Variants in SARM1 observed in about 807,000 individuals in gnomAD.
The protein encoded by SARM1 is sterile alpha and TIR motif containing 1, also known as NAD(+) hydrolase SARM1.
SARM1 carries 60 observed loss-of-function variants against 65.1 expected under a neutral mutation model. The ratio of observed to expected loss-of-function variants is 0.92; its 90% CI spans 0.75 to 1.14. SARM1 has a LOEUF of 1.14. Among genes scored for constraint, SARM1 ranks in the 50% most tolerant of loss-of-function variants. The pLI is 0.00. For synonymous variants in SARM1, 417 were observed against 465.4 expected, an observed-to-expected ratio of 0.90 and a Z score of 1.34; for missense variants, 913 against 1,015.7, an observed-to-expected ratio of 0.90 and a Z score of 1.37.
At chr17:28,392,866 T>A (rs1210082614) in intron 7 of SARM1, among the ~76,000 whole-genome samples, 1 of 152,212 alleles carries the variant, frequency 6.6e-6, no homozygotes, top group Non-Finnish European at 1.5e-5. Context: ...AGAGGCTCCG[T>A]CATCCCTCTT....
At chr17:28,381,085 T>G (rs1221841195) in intron 1 of SARM1, 118 bp from the exon 2 acceptor site, 1 of 1,178,206 alleles carries the variant, frequency 8.5e-7, no homozygotes, top group African/African-American at 1.6e-5. Context: ...AGGGGAATGC[T>G]CTCCCCTATA....
At position 28,400,788 on chromosome 17, in the gene SARM1, A is replaced by T. The variant is rs782341208; in HGVS notation, c.*4502A>T. 66 of 1,551,032 alleles carry T rather than the reference A, an allele frequency of 4.3e-5. No individual in the cohort carries two copies. The highest frequency in any genetic ancestry group is 4.9e-5 in the Non-Finnish European group (56 of 1,147,470). Reference sequence around the variant, plus strand: ...GCACCTGTGAAGAAATAAATACCATACTCTGGAGTCCGAAAGGGCCATATT... The same window carrying T: ...GCACCTGTGAAGAAATAAATACCATTCTCTGGAGTCCGAAAGGGCCATATT... On this transcript the variant is annotated 3_prime_UTR_variant, in exon 9 of 9. Coordinates refer to ENST00000585482, the MANE Select transcript of SARM1 (RefSeq NM_015077.4).
rs1485306319 is a variant in SARM1 at position 28,401,605 on chromosome 17, C to T, written c.*5319C>T. Reference sequence around the variant, plus strand: ...ACAGTTTACAAAATGTGCAACAACCCAACAGAAGTTGAGATTAAATTCTGT... The same window carrying T: ...ACAGTTTACAAAATGTGCAACAACCTAACAGAAGTTGAGATTAAATTCTGT... On this transcript the variant is annotated 3_prime_UTR_variant, in exon 9 of 9. Transcript: ENST00000585482. 3 of 152,220 alleles carry T rather than the reference C, an allele frequency of 2.0e-5. No homozygotes were observed. Among genetic ancestry groups the T allele is most frequent in the Admixed American group, 6.5e-5 (1 of 15,280 alleles). The allele number at this position is 152,220 out of a possible 1,614,324, so 9.4% of individuals were successfully genotyped here.
chr17:28,391,413 G>C (rs2068079009), intron 7 of SARM1, among the ~76,000 whole-genome samples: 2 of 152,128 alleles, frequency 1.3e-5, no homozygotes, highest in South Asian at 4.1e-4. Flanking sequence ...CAGGGCGGTG[G>C]GTCTTAGGAT....
chr17:28,388,730 C>T (rs1484315539), intron 7 of SARM1, among the ~76,000 whole-genome samples, 191 bp downstream of exon 7: 1 of 151,588 alleles, frequency 6.6e-6, no homozygotes, highest in East Asian at 1.9e-4. Context: ...GGACAAGAGA[C>T]TAGGCTTTGG....
Position 28,398,810 on chromosome 17 carries a change from G to A in SARM1, c.*2524G>A, listed in dbSNP as rs1489508758. On this transcript the variant is annotated 3_prime_UTR_variant, in exon 9 of 9. Coordinates refer to ENST00000585482, the MANE Select transcript of SARM1 (RefSeq NM_015077.4). ...TTGTCCATCCAAATGTGATCACCAC[G>A]ATTCAACAATTTGGGGCATTGCTGA... 2.0e-5 allele frequency: 3 copies of A among 152,228 alleles called. No homozygotes were observed. Among genetic ancestry groups the A allele is most frequent in the African/African-American group, 7.2e-5 (3 of 41,446 alleles). The allele number at this position is 152,228 out of a possible 1,614,324, so 9.4% of individuals were successfully genotyped here.
chr17:28,401,128 G>C lies in SARM1; in HGVS notation c.*4842G>C, dbSNP rs1023918392. On this transcript the variant is annotated 3_prime_UTR_variant, in exon 9 of 9. Coordinates refer to ENST00000585482, the MANE Select transcript of SARM1 (RefSeq NM_015077.4). ...CTCTTTGGAATCATCTCCTGTTTGG[G>C]ATTAACTGCTGGTCTGATCAGTTCC... The C allele has an allele frequency of 1.2e-5, 4 of 342,144 alleles. No individual in the cohort carries two copies. Among genetic ancestry groups the C allele is most frequent in the African/African-American group, 8.5e-5 (4 of 46,800 alleles). 21.2% of individuals were successfully genotyped at this position (342,144 alleles called of 1,614,324 possible).
chr17:28,383,329 G>A (rs557807046), intron 2 of SARM1, among the ~76,000 whole-genome samples: 52 of 152,240 alleles, frequency 3.4e-4, no homozygotes, highest in Non-Finnish European at 5.4e-4. Context: ...AGCTGGAATC[G>A]CACCACTGCA....
chr17:28,387,075 G>A (rs1331735797), intron 5 of SARM1, among the ~76,000 whole-genome samples: 3 of 152,068 alleles, frequency 2.0e-5, no homozygotes, highest in Non-Finnish European at 4.4e-5. Context: ...AAATCCTAGG[G>A]CAAAAATAGC....
chr17:28,385,487 A>G lies in SARM1; in HGVS notation c.1630+212A>G. On this transcript the variant is annotated intron_variant, in intron 5 of 8. Transcript: ENST00000585482. The surrounding 1 kb of genome is among the most constrained non-coding windows in gnomAD (Gnocchi z 4.5). Reference sequence around the variant, plus strand: ...CTGAGGTGGGTAGGCGGTGGGAGGAAGGAGGCTATTAAACAGGCAAGCGGC... The same window carrying G: ...CTGAGGTGGGTAGGCGGTGGGAGGAGGGAGGCTATTAAACAGGCAAGCGGC... 1 of 574,508 alleles carries G rather than the reference A, an allele frequency of 1.7e-6. No individual in the cohort carries two copies. The highest frequency in any genetic ancestry group is 3.0e-6 in the Non-Finnish European group (1 of 328,200). 35.6% of individuals were successfully genotyped at this position (574,508 alleles called of 1,614,324 possible). A position where few individuals can be genotyped will look rare whatever the true frequency, so the allele number is the denominator to read the frequency against.
Position 28,384,399 on chromosome 17 carries a change from G to A in SARM1, c.1132G>A (p.Val378Ile). 6.2e-7 allele frequency: 1 copy of A among 1,611,202 alleles called. No homozygotes were observed. ...IGAIQSLKRL[V>I]SYSTNGTKSA... ...CGCCATCCAGAGCCTGAAACGCCTG[G>A]TTTCCTACTCTACCAATGGCACTAA... The change falls in exon 3 of 9, where the codon GTT (valine) becomes ATT (isoleucine). Residue 378 changes from valine to isoleucine, a missense_variant. Physicochemically the swap from Val to Ile is conservative, Grantham distance 29 (BLOSUM62 3). This residue lies in a region of SARM1 where 862 missense variants were observed against 952.1 expected (regional missense o/e 0.91). Coordinates refer to ENST00000585482, the MANE Select transcript of SARM1 (RefSeq NM_015077.4). The surrounding 1 kb of genome is among the most constrained non-coding windows in gnomAD (Gnocchi z 4.4).
At position 28,384,142 on chromosome 17, in the gene SARM1, C is replaced by T. The variant is rs574044877; in HGVS notation, c.1090-215C>T. On this transcript the variant is annotated intron_variant, in intron 2 of 8. Transcript: ENST00000585482. This position sits in a 1 kb window ranked among gnomAD's most constrained non-coding sequence, Gnocchi z 4.4. ...GATATAAAGGAGGGATAGGCCCCTC[C>T]GCCCCCAACCCATCCGAGTCAGGAC... Among the ~76,000 whole-genome samples the T allele has an allele frequency of 3.3e-5, 5 of 152,140 alleles. No individual in the cohort carries two copies. Among genetic ancestry groups the T allele is most frequent in the Non-Finnish European group, 5.9e-5 (4 of 68,034 alleles).
Position 28,381,780 on chromosome 17 carries a change from T to C in SARM1, c.1048T>C (p.Cys350Arg). Residue 350 changes from cysteine to arginine, a missense_variant, in exon 2 of 9, where the codon TGC becomes CGC. Cys to Arg is a radical substitution (Grantham distance 180). This residue lies in a region of SARM1 where 862 missense variants were observed against 952.1 expected (regional missense o/e 0.91). Coordinates refer to ENST00000585482, the MANE Select transcript of SARM1 (RefSeq NM_015077.4). ...GCAGTGCATCGGGGCTTTCTACCTC[T>C]GCGCCGAGGCTGCCATCAAGAGCCT... ...EAQCIGAFYL[C>R]AEAAIKSLQG... 1 of 1,462,660 alleles carries C rather than the reference T, an allele frequency of 6.8e-7. No homozygotes were observed. The allele number at this position is 1,462,660 out of a possible 1,614,324, so 90.6% of individuals were successfully genotyped here. A position where few individuals can be genotyped will look rare whatever the true frequency, so the allele number is the denominator to read the frequency against.
At position 28,384,691 on chromosome 17, in the gene SARM1, G is replaced by A. The variant is rs1025392174; in HGVS notation, c.1302+122G>A. 30 of 1,233,102 alleles carry A rather than the reference G, an allele frequency of 2.4e-5. No homozygotes were observed. The highest frequency in any genetic ancestry group is 3.4e-5 in the Non-Finnish European group (30 of 880,168). 76.4% of individuals were successfully genotyped at this position (1,233,102 alleles called of 1,614,324 possible). A position where few individuals can be genotyped will look rare whatever the true frequency, so the allele number is the denominator to read the frequency against. ...GGTCGCTTTTGGGGGCGGGGAGCCT[G>A]TACGCAGCCACCGTTAGGGTCACTC... On this transcript the variant is annotated intron_variant, in intron 3 of 8. Transcript: ENST00000585482. The surrounding 1 kb of genome is among the most constrained non-coding windows in gnomAD (Gnocchi z 4.4).
At position 28,371,925 on chromosome 17, in the gene SARM1, C is replaced by T; in HGVS notation, c.-108C>T. On this transcript the variant is annotated 5_prime_UTR_variant, in exon 1 of 9. Transcript: ENST00000585482. ...GGTACCCTTCTCTCCATTCCTCCCC[C>T]TCCATCTTCTTTCCCCGACCCCTCT... 1 of 769,048 alleles carries T rather than the reference C, an allele frequency of 1.3e-6. No homozygotes were observed. The highest frequency in any genetic ancestry group is 1.9e-6 in the Non-Finnish European group (1 of 525,908). 47.6% of individuals were successfully genotyped at this position (769,048 alleles called of 1,614,324 possible).
intron 7 of SARM1, among the ~76,000 whole-genome samples, chr17:28,393,262 CAG>C (rs1342571927): frequency 6.6e-6 from 1 of 152,090 alleles, no homozygotes; most frequent in East Asian, 1.9e-4. Context: ...TATTAGAAAA[CAG>C]AGGAACGAGT....
In SARM1 at chr17:28,371,963, T is replaced by C; in HGVS notation, c.-70T>C. 8.1e-7 allele frequency: 1 copy of C among 1,237,266 alleles called. No individual in the cohort carries two copies. The highest frequency in any genetic ancestry group is 1.1e-6 in the Non-Finnish European group (1 of 940,446). 76.6% of individuals were successfully genotyped at this position (1,237,266 alleles called of 1,614,324 possible). A position where few individuals can be genotyped will look rare whatever the true frequency, so the allele number is the denominator to read the frequency against. The stretch of plus-strand genomic sequence containing the variant: ...CCCCGACCCCTCTCGGGTCCCTCTT[T>C]TCCCAAAACCCGGGTCTCTCCGCGT... On this transcript the variant is annotated 5_prime_UTR_variant, in exon 1 of 9. Coordinates refer to ENST00000585482, the MANE Select transcript of SARM1 (RefSeq NM_015077.4).
Position 28,381,429 on chromosome 17 carries a change from T to A in SARM1, c.697T>A (p.Cys233Ser). 1 of 1,544,514 alleles carries A rather than the reference T, an allele frequency of 6.5e-7. No individual in the cohort carries two copies. The highest frequency in any genetic ancestry group is 8.7e-7 in the Non-Finnish European group (1 of 1,144,922). Residue 233 changes from cysteine to serine, a missense_variant, in exon 2 of 9, where the codon TGC becomes AGC. By Grantham distance (112) the Cys-to-Ser change is moderately radical (BLOSUM62 -1). Around this residue, in one of 3 missense-constraint regions of SARM1, gnomAD observed 862 missense variants for 952.1 expected, o/e 0.91. Transcript: ENST00000585482. ...CCACTGCGCGCTGGCGCTGGGCAACTGCGCGCTGCACGGGGGCCAGGCGGT... is the reference window on the plus strand; with the variant it reads ...CCACTGCGCGCTGGCGCTGGGCAACAGCGCGCTGCACGGGGGCCAGGCGGT... ...LRHCALALGN[C>S]ALHGGQAVQR...
rs1555588043 is a variant in SARM1 at position 28,396,467 on chromosome 17, G to A, written c.*181G>A. ...TCCAACCCACTTTCCTCAGTATCTG[G>A]AGAGGGAAGGGAAGTCAGGCTTGGG... On this transcript the variant is annotated 3_prime_UTR_variant, in exon 9 of 9. Coordinates refer to ENST00000585482, the MANE Select transcript of SARM1 (RefSeq NM_015077.4). 2 of 701,348 alleles carry A rather than the reference G, an allele frequency of 2.9e-6. No individual in the cohort carries two copies. Among genetic ancestry groups the A allele is most frequent in the Non-Finnish European group, 4.7e-6 (2 of 428,184 alleles). The allele number at this position is 701,348 out of a possible 1,614,324, so 43.4% of individuals were successfully genotyped here. A position where few individuals can be genotyped will look rare whatever the true frequency, so the allele number is the denominator to read the frequency against.
Sources: allele counts gnomAD v4.1 joint callset (sites outside exome capture counted in the v4.1 genomes callset), GRCh38; gene constraint gnomAD v4.1.1; regional missense constraint gnomAD v4.1.1; non-coding constraint Gnocchi (gnomAD v3.1); transcripts MANE v1.5; gene names NCBI Gene and HGNC (gene_info 2026-07-23, HGNC 2026-07-21).